RABGAP1L: variants seen among roughly 807,000 people sequenced by gnomAD.
RABGAP1L encodes RAB GTPase activating protein 1 like, also known as rab GTPase-activating protein 1-like.
Under a neutral mutation model 137.7 loss-of-function variants are expected in RABGAP1L, and 63 were observed. The observed-to-expected ratio is 0.46, with a 90% CI of 0.37 to 0.56. The LOEUF (loss-of-function observed/expected upper bound fraction) is 0.56. RABGAP1L is among the 20% of genes least tolerant of loss of function. The pLI is 0.00. For synonymous variants in RABGAP1L, 431 were observed against 433.7 expected (o/e 0.99, Z 0.08); for missense variants, 1,095 against 1,244.0 (o/e 0.88, Z 1.80).
At chr1:174,661,340 G>A (rs1676355800) in intron 14 of RABGAP1L, among the ~76,000 whole-genome samples, 1 of 152,084 alleles carries the variant, frequency 6.6e-6, no homozygotes, top group African/African-American at 2.4e-5. Flanking sequence ...GTTCATCACT[G>A]TGGACTACTT....
chr1:174,960,795 G>A (rs1669024821), intron 20 of RABGAP1L, among the ~76,000 whole-genome samples: 1 of 152,098 alleles, frequency 6.6e-6, no homozygotes, highest in Non-Finnish European at 1.5e-5. Flanking sequence ...TCTTATATGT[G>A]TCCATATTTG....
intron 19 of RABGAP1L, among the ~76,000 whole-genome samples, chr1:174,918,295 A>G (rs938532571): frequency 6.6e-6 from 1 of 152,192 alleles, no homozygotes; most frequent in African/African-American, 2.4e-5. Flanking sequence ...CTTTGTTTCT[A>G]TGATTCTGTA....
intron 10 of RABGAP1L, among the ~76,000 whole-genome samples, chr1:174,304,295 T>A (rs745334384): frequency 2.6e-5 from 4 of 152,052 alleles, no homozygotes; most frequent in Non-Finnish European, 2.9e-5. Context: ...TGATGTATTT[T>A]GTATGTGTAT....
chr1:174,747,208 G>C (rs1456694325), intron 17 of RABGAP1L, among the ~76,000 whole-genome samples: 1 of 152,036 alleles, frequency 6.6e-6, no homozygotes, highest in Non-Finnish European at 1.5e-5. Context: ...TTGGAGACCA[G>C]CTTGGGCAAC....
At chr1:174,516,206 T>C (rs1662829589) in intron 13 of RABGAP1L, among the ~76,000 whole-genome samples, 2 of 141,552 alleles carry the variant, frequency 1.4e-5, no homozygotes, top group African/African-American at 5.3e-5. Context: ...CAGACTAGAG[T>C]GCAGAGTGGC....
At chr1:174,474,479 G>A (rs1195942361) in intron 13 of RABGAP1L, among the ~76,000 whole-genome samples, 1 of 152,104 alleles carries the variant, frequency 6.6e-6, no homozygotes, top group African/African-American at 2.4e-5. Context: ...TCTTTTATGA[G>A]GCCAGTATGT....
At chr1:174,859,181 CTG>C (rs1221599116) in intron 19 of RABGAP1L, among the ~76,000 whole-genome samples, 2 of 152,184 alleles carry the variant, frequency 1.3e-5, no homozygotes, top group Non-Finnish European at 2.9e-5. Context: ...CAGTGATAGA[CTG>C]TTTAAAGAAA....
intron 18 of RABGAP1L, among the ~76,000 whole-genome samples, chr1:174,784,235 G>T (rs1687282943): frequency 6.6e-6 from 1 of 151,740 alleles, no homozygotes; most frequent in Non-Finnish European, 1.5e-5. Context: ...TAGCCAGGAT[G>T]GTCTTGATCT....
chr1:174,930,354 TC>T (rs1663593326), intron 19 of RABGAP1L, among the ~76,000 whole-genome samples: 1 of 149,704 alleles, frequency 6.7e-6, no homozygotes, highest in South Asian at 2.1e-4. Flanking sequence ...TGAGACAGGA[TC>T]TTGCTGTGTT....
chr1:174,269,436 G>A (rs61828594), intron 7 of RABGAP1L, among the ~76,000 whole-genome samples: 3,743 of 152,326 alleles, frequency 0.025, 59 homozygotes, highest in Non-Finnish European at 0.04. Flanking sequence ...GTTTTGTAGT[G>A]ATAGACATGG....
At chr1:174,875,576 A>G (rs1381528251) in intron 19 of RABGAP1L, 2 of 985,344 alleles carry the variant, frequency 2.0e-6, no homozygotes, top group East Asian at 2.3e-4. Flanking sequence ...TAGCAAAGAA[A>G]AATATGAAAG....
At chr1:174,364,926 G>A (rs1018327177) in intron 11 of RABGAP1L, among the ~76,000 whole-genome samples, 5 of 152,170 alleles carry the variant, frequency 3.3e-5, no homozygotes, top group Non-Finnish European at 5.9e-5. Flanking sequence ...ATGTTATCCA[G>A]GAGCTGGGGC....
intron 14 of RABGAP1L, among the ~76,000 whole-genome samples, chr1:174,680,046 A>G (rs966799832): frequency 1.3e-5 from 2 of 152,236 alleles, no homozygotes; most frequent in Non-Finnish European, 2.9e-5. Context: ...AATATGAACC[A>G]TAAAAGACAA....
intron 13 of RABGAP1L, among the ~76,000 whole-genome samples, chr1:174,585,879 A>G (rs925204404): frequency 6.6e-6 from 1 of 152,158 alleles, no homozygotes; most frequent in African/African-American, 2.4e-5. Flanking sequence ...GTGCATGTCT[A>G]TGTGTGTGTA....
chr1:174,509,653 A>G (rs1208340058), intron 13 of RABGAP1L, among the ~76,000 whole-genome samples: 4 of 152,114 alleles, frequency 2.6e-5, no homozygotes, highest in African/African-American at 9.7e-5. Flanking sequence ...TCCCAAACAT[A>G]TATTCCTGGT....
chr1:174,651,172 T>G (rs1207387436), intron 14 of RABGAP1L, among the ~76,000 whole-genome samples: 1 of 152,084 alleles, frequency 6.6e-6, no homozygotes, highest in Non-Finnish European at 1.5e-5. Flanking sequence ...TCCTGAGTTC[T>G]AGTTTGATTG....
intron 1 of RABGAP1L, among the ~76,000 whole-genome samples, chr1:174,182,902 T>C (rs886377920): frequency 1.4e-4 from 21 of 152,238 alleles, no homozygotes; most frequent in Non-Finnish European, 2.9e-4. Flanking sequence ...TTTTTCCCAC[T>C]AAGTTATTTA....
chr1:174,405,944 C>G (rs1416871225), intron 13 of RABGAP1L, among the ~76,000 whole-genome samples: 2 of 151,682 alleles, frequency 1.3e-5, no homozygotes, highest in African/African-American at 4.8e-5. Flanking sequence ...CGCCACTGCA[C>G]TCCAGCCTGG....
chr1:174,423,172 T>C (rs942079103), intron 13 of RABGAP1L, among the ~76,000 whole-genome samples: 5 of 152,136 alleles, frequency 3.3e-5, no homozygotes, highest in Non-Finnish European at 5.9e-5. Flanking sequence ...GTTACATAAG[T>C]AATGTAGGAT....
Sources: allele counts gnomAD v4.1 joint callset (sites outside exome capture counted in the v4.1 genomes callset), GRCh38; gene constraint gnomAD v4.1.1; transcripts MANE v1.5; gene names NCBI Gene and HGNC (gene_info 2026-07-23, HGNC 2026-07-21).